The following FNTA variants were observed in gnomAD, a reference collection of about 807,000 sequenced individuals.
FNTA encodes the protein farnesyltransferase, CAAX box, subunit alpha.
Under a neutral mutation model 55.2 loss-of-function variants are expected in FNTA, and 27 were observed. That is an observed-to-expected ratio of 0.49 (90% CI 0.36 to 0.67). The LOEUF is 0.67. FNTA is among the 30% of genes least tolerant of loss of function. The pLI is 0.00. For missense variants in FNTA, 422 were observed against 464.7 expected (o/e 0.91, Z 0.85); for synonymous variants, 176 against 170.7 (o/e 1.03, Z -0.24).
chr8:43,067,055 A>G (rs867743720), intron 3 of FNTA, among the ~76,000 whole-genome samples: 1 of 152,316 alleles, frequency 6.6e-6, no homozygotes, highest in African/African-American at 2.4e-5. Flanking sequence ...TTGTATATCA[A>G]CATTTTAAAT....
chr8:43,063,356 A>G, intron 2 of FNTA: 1 of 454,872 alleles, frequency 2.2e-6, no homozygotes, highest in South Asian at 1.6e-5. Context: ...TTTTTTTTGT[A>G]ATCCAATGCT....
intron 6 of FNTA, chr8:43,077,586 A>C (rs747412886): frequency 2.9e-6 from 1 of 347,680 alleles, no homozygotes; most frequent in Non-Finnish European, 5.1e-6. Flanking sequence ...GATTGGAAAG[A>C]AATCTTAATG....
Position 43,056,424 on chromosome 8 carries a change from G to C in FNTA, c.78G>C (p.Pro26=), listed in dbSNP as rs761524579. The change falls in exon 1 of 9, where the codon CCG becomes CCC. Residue 26 remains proline (P), a synonymous_variant. Transcript: ENST00000302279. ...AGCCGGCGCAACCCCCGCCCCAGCCGCACCCACCGCCGCCCCAGCAGCAGC... is the reference window on the plus strand; with the variant it reads ...AGCCGGCGCAACCCCCGCCCCAGCCCCACCCACCGCCGCCCCAGCAGCAGC... ...PGQPAQPPPQ[P]HPPPPQQQHK... 3.1e-5 allele frequency: 48 copies of C among 1,529,876 alleles called. 1 individual carries two copies. The African/African-American group carries it at 5.3e-4, about 17-fold the overall frequency. 94.8% of individuals were successfully genotyped at this position (1,529,876 alleles called of 1,614,324 possible). A position where few individuals can be genotyped will look rare whatever the true frequency, so the allele number is the denominator to read the frequency against.
At position 43,056,423 on chromosome 8, in the gene FNTA, C is replaced by G; in HGVS notation, c.77C>G (p.Pro26Arg). 6.5e-7 allele frequency: 1 copy of G among 1,529,236 alleles called. No individual in the cohort carries two copies. Among genetic ancestry groups the G allele is most frequent in the Non-Finnish European group, 8.8e-7 (1 of 1,141,198 alleles). 94.7% of individuals were successfully genotyped at this position (1,529,236 alleles called of 1,614,324 possible). The change falls in exon 1 of 9, where the codon CCG becomes CGG. Residue 26 changes from proline to arginine, a missense_variant. By Grantham distance (103) the Pro-to-Arg change is moderately radical. Around this residue, in one of 2 missense-constraint regions of FNTA, gnomAD observed 160 missense variants for 121.6 expected, o/e 1.32. Transcript: ENST00000302279. Reference sequence around the variant, plus strand: ...CAGCCGGCGCAACCCCCGCCCCAGCCGCACCCACCGCCGCCCCAGCAGCAG... The same window carrying G: ...CAGCCGGCGCAACCCCCGCCCCAGCGGCACCCACCGCCGCCCCAGCAGCAG... The part of the protein sequence containing the change: ...PGQPAQPPPQ[P>R]HPPPPQQQHK...
At position 43,085,436 on chromosome 8, in the gene FNTA, G is replaced by C; in HGVS notation, c.*154G>C. ...CAAGAACTGATGCTCCTTGGGTGCT[G>C]CTGCTACTCAGACTAGCTCTAAGTA... On this transcript the variant is annotated 3_prime_UTR_variant, in exon 9 of 9. Coordinates refer to ENST00000302279, the MANE Select transcript of FNTA (RefSeq NM_002027.3). 1.5e-6 allele frequency: 1 copy of C among 660,254 alleles called. No homozygotes were observed. Among genetic ancestry groups the C allele is most frequent in the Non-Finnish European group, 2.6e-6 (1 of 386,934 alleles). 40.9% of individuals were successfully genotyped at this position (660,254 alleles called of 1,614,324 possible).
chr8:43,069,014 C>G (rs1459940886), intron 3 of FNTA, among the ~76,000 whole-genome samples: 3 of 151,498 alleles, frequency 2.0e-5, no homozygotes, highest in African/African-American at 7.3e-5. Flanking sequence ...GCCTGGCCAC[C>G]TTTCACTATT....
intron 8 of FNTA, 24 bp downstream of exon 8, chr8:43,084,905 G>A: frequency 6.2e-7 from 1 of 1,602,346 alleles, no homozygotes; most frequent in Non-Finnish European, 8.5e-7. Context: ...GCTCAGTGCT[G>A]TCATTTTTGG....
intron 2 of FNTA, among the ~76,000 whole-genome samples, chr8:43,060,240 A>G (rs774774621): frequency 1.3e-5 from 2 of 152,244 alleles, no homozygotes; most frequent in African/African-American, 2.4e-5. Flanking sequence ...CTATGAAGAG[A>G]TATTAACCTT....
At chr8:43,082,050 T>C (rs887989484) in intron 6 of FNTA, 3 of 152,066 alleles carry the variant, frequency 2.0e-5, no homozygotes, top group Non-Finnish European at 4.4e-5. Context: ...AGTATTTTTA[T>C]AATGTTGAAT....
At chr8:43,062,343 G>A (rs1403252110) in intron 2 of FNTA, among the ~76,000 whole-genome samples, 1 of 151,784 alleles carries the variant, frequency 6.6e-6, no homozygotes, top group African/African-American at 2.4e-5. Context: ...GTACAATGGC[G>A]TGATCTCGGC....
At chr8:43,078,386 A>G (rs946980741) in intron 6 of FNTA, 1 of 151,876 alleles carries the variant, frequency 6.6e-6, no homozygotes, top group Non-Finnish European at 1.5e-5. Context: ...CATCTTGAGC[A>G]ATCTTGAGTT....
intron 3 of FNTA, among the ~76,000 whole-genome samples, chr8:43,065,248 TTTTG>T (rs1175739513): frequency 2.6e-5 from 4 of 152,082 alleles, no homozygotes; most frequent in Non-Finnish European, 4.4e-5. Flanking sequence ...ACTTTTTTTT[TTTTG>T]TTTGTTTGTT....
At chr8:43,072,329 G>T in intron 5 of FNTA, 22 bp downstream of exon 5, 1 of 1,497,216 alleles carries the variant, frequency 6.7e-7, no homozygotes, top group Non-Finnish European at 8.9e-7. Context: ...CTTGTACAGT[G>T]TTTTTCAGAT....
At position 43,069,664 on chromosome 8, in the gene FNTA, G is replaced by A; in HGVS notation, c.506+5G>A. The A allele has an allele frequency of 6.3e-7, 1 of 1,585,822 alleles. No homozygotes were observed. On this transcript the variant is annotated splice_donor_5th_base_variant and intron_variant, in intron 4 of 8. Coordinates refer to ENST00000302279, the MANE Select transcript of FNTA (RefSeq NM_002027.3). The stretch of plus-strand genomic sequence containing the variant: ...GCCCAAAAACTATCAAGTTTGGTAA[G>A]TTTGGAGTCTAGCTGTGTCTCCCAG...
intron 7 of FNTA, 58 bp downstream of exon 7, chr8:43,083,238 C>A: frequency 2.1e-6 from 2 of 943,448 alleles, no homozygotes; most frequent in South Asian, 1.5e-5. Context: ...TATGATGCAT[C>A]ATGGAGTGTA....
chr8:43,070,085 C>T (rs1810752863), intron 4 of FNTA: 1 of 151,598 alleles, frequency 6.6e-6, no homozygotes, highest in South Asian at 2.1e-4. Flanking sequence ...GAATCCCCGT[C>T]TCTACTAAAA....
At chr8:43,072,391 C>A in intron 5 of FNTA, 84 bp downstream of exon 5, 2 of 983,928 alleles carry the variant, frequency 2.0e-6, no homozygotes, top group Non-Finnish European at 2.8e-6. Context: ...GTTTCTAAAC[C>A]AAAACACACA....
At chr8:43,058,294 C>T (rs1810456883) in intron 1 of FNTA, among the ~76,000 whole-genome samples, 1 of 152,168 alleles carries the variant, frequency 6.6e-6, no homozygotes, top group African/African-American at 2.4e-5. Context: ...ACGACTTAGG[C>T]AGTTGTCAGA....
At chr8:43,071,712 CA>C (rs1461051928) in intron 4 of FNTA, among the ~76,000 whole-genome samples, 2 of 137,984 alleles carry the variant, frequency 1.4e-5, no homozygotes, top group African/African-American at 2.6e-5. Context: ...AAAAAAAAAA[CA>C]AAAAAACTCC....
Sources: gnomAD v4.1 joint callset for allele counts (sites outside exome capture counted in the v4.1 genomes callset) on GRCh38, gnomAD v4.1.1 for gene constraint, gnomAD v4.1.1 regional missense constraint, MANE v1.5 for transcripts, NCBI Gene and HGNC (gene_info 2026-07-23, HGNC 2026-07-21) for gene names.